The following SCRG1 variants were observed in gnomAD, a reference collection of about 807,000 sequenced individuals.
SCRG1 encodes stimulator of chondrogenesis 1.
A neutral mutation model predicts 7.7 loss-of-function variants in SCRG1; 3 were observed. The ratio of observed to expected loss-of-function variants is 0.39; its 90% CI spans 0.18 to 1.01. The LOEUF (loss-of-function observed/expected upper bound fraction) is 1.01. Ranked by LOEUF, SCRG1 falls within the 50% of genes least tolerant of loss-of-function variation. The pLI, the probability that SCRG1 is intolerant of heterozygous loss-of-function variation, is 0.36. For missense variants in SCRG1, 110 were observed against 117.2 expected (o/e 0.94, Z 0.28); for synonymous variants, 46 against 41.2 (o/e 1.12, Z -0.44).
intron 1 of SCRG1, among the ~76,000 whole-genome samples, chr4:173,405,343 T>C (rs145136424): frequency 6.6e-6 from 1 of 152,340 alleles, no homozygotes; most frequent in Non-Finnish European, 1.5e-5. Context: ...CACATGAACA[T>C]ACAGGTCAGG....
chr4:173,510,858 T>C, the SCRG1 span, among the ~76,000 whole-genome samples: 1 of 152,210 alleles, frequency 6.6e-6, no homozygotes, highest in Non-Finnish European at 1.5e-5. The surrounding 1 kb of genome is among the most constrained non-coding windows in gnomAD (Gnocchi z 5.7). Flanking sequence ...GCTGCTACCC[T>C]TTTGGAAACA....
At chr4:173,430,063 A>G in the SCRG1 span, among the ~76,000 whole-genome samples, 11 of 152,226 alleles carry the variant, frequency 7.2e-5, no homozygotes, top group African/African-American at 2.6e-4. Flanking sequence ...AAAGTACAAG[A>G]GACAAATCTT....
chr4:173,462,174 A>G, the SCRG1 span, among the ~76,000 whole-genome samples: 1 of 152,216 alleles, frequency 6.6e-6, no homozygotes, highest in Non-Finnish European at 1.5e-5. Context: ...CCGAACCTAT[A>G]GAAATATATC....
chr4:173,439,596 T>C, the SCRG1 span, among the ~76,000 whole-genome samples: 1 of 151,164 alleles, frequency 6.6e-6, no homozygotes, highest in African/African-American at 2.4e-5. Flanking sequence ...AAATATACAT[T>C]ATTATATAAT....
chr4:173,428,724 A>G, the SCRG1 span, among the ~76,000 whole-genome samples: 1 of 152,260 alleles, frequency 6.6e-6, no homozygotes, highest in African/African-American at 2.4e-5. Context: ...CCAGTGAAAT[A>G]GGTGCCCACC....
the SCRG1 span, among the ~76,000 whole-genome samples, chr4:173,508,643 G>A: frequency 9.2e-5 from 14 of 152,210 alleles, no homozygotes; most frequent in Admixed American, 2.0e-4. This position sits in a 1 kb window ranked among gnomAD's most constrained non-coding sequence, Gnocchi z 4.4. Flanking sequence ...AAAGGCACTA[G>A]AGAAGGCCTG....
chr4:173,518,101 A>C, the SCRG1 span, among the ~76,000 whole-genome samples: 1 of 152,258 alleles, frequency 6.6e-6, no homozygotes, highest in Non-Finnish European at 1.5e-5. Context: ...GTTTAAAACA[A>C]TATTCGCTCT....
chr4:173,476,354 G>GGA, the SCRG1 span, among the ~76,000 whole-genome samples: 1 of 70,186 alleles, frequency 1.4e-5, no homozygotes, highest in African/African-American at 5.1e-5. Context: ...CTCTGAGGGG[G>GGA]AAAAAAAAAA....
chr4:173,436,135 C>T, the SCRG1 span, among the ~76,000 whole-genome samples: 4 of 152,166 alleles, frequency 2.6e-5, no homozygotes, highest in Non-Finnish European at 5.9e-5. Flanking sequence ...GTCAGCCAAT[C>T]GCCTGGTGGA....
chr4:173,392,650 G>A (rs1487383195), intron 1 of SCRG1, among the ~76,000 whole-genome samples: 1 of 152,174 alleles, frequency 6.6e-6, no homozygotes, highest in Non-Finnish European at 1.5e-5. Context: ...GACTATTGTA[G>A]TAAAGGAAGA....
the SCRG1 span, among the ~76,000 whole-genome samples, chr4:173,460,830 G>A: frequency 7.9e-5 from 12 of 152,280 alleles, no homozygotes; most frequent in East Asian, 9.7e-4. Flanking sequence ...CCAGAGGGGA[G>A]CCTGCTGCCC....
chr4:173,478,502 T>A, the SCRG1 span, among the ~76,000 whole-genome samples: 1 of 152,146 alleles, frequency 6.6e-6, no homozygotes, highest in Non-Finnish European at 1.5e-5. Flanking sequence ...CCTATAAGAC[T>A]TCTGAATATT....
chr4:173,518,840 G>GC, the SCRG1 span, among the ~76,000 whole-genome samples: 14 of 150,568 alleles, frequency 9.3e-5, no homozygotes, highest in East Asian at 2.0e-4. Context: ...CTTTGTGTCC[G>GC]CCCCCCCGCC....
chr4:173,478,847 A>T, the SCRG1 span, among the ~76,000 whole-genome samples: 9 of 152,210 alleles, frequency 5.9e-5, no homozygotes, highest in African/African-American at 1.9e-4. Flanking sequence ...ACGGACACAG[A>T]CTTTAGGAAT....
chr4:173,511,192 G>C, the SCRG1 span, among the ~76,000 whole-genome samples: 1 of 152,078 alleles, frequency 6.6e-6, no homozygotes, highest in African/African-American at 2.4e-5. This position sits in a 1 kb window ranked among gnomAD's most constrained non-coding sequence, Gnocchi z 5.2. Flanking sequence ...TGGCCAGGCT[G>C]GTCACGAACT....
chr4:173,492,611 G>A, the SCRG1 span, among the ~76,000 whole-genome samples: 7 of 152,182 alleles, frequency 4.6e-5, no homozygotes, highest in Non-Finnish European at 7.3e-5. Flanking sequence ...AAAGGCTGGA[G>A]GAGTAGAGTC....
At chr4:173,507,767 G>A in the SCRG1 span, among the ~76,000 whole-genome samples, 2 of 152,216 alleles carry the variant, frequency 1.3e-5, no homozygotes, top group Non-Finnish European at 2.9e-5. This position sits in a 1 kb window ranked among gnomAD's most constrained non-coding sequence, Gnocchi z 4.4. Context: ...ACCCTCCGGA[G>A]CAGTTGCGGG....
chr4:173,468,389 C>T, the SCRG1 span: 1 of 152,170 alleles, frequency 6.6e-6, no homozygotes, highest in Non-Finnish European at 1.5e-5. Context: ...TGTAAGTACA[C>T]TCTGTGATCA....
chr4:173,483,719 T>TCATATATAATATATA, the SCRG1 span, among the ~76,000 whole-genome samples: 2 of 2,990 alleles, frequency 6.7e-4, 1 homozygote, highest in African/African-American at 1.6e-3. Context: ...ATATATTATA[T>TCATATATAATATATA]TGTGATATAT....
Sources: gnomAD v4.1 joint callset for allele counts (sites outside exome capture counted in the v4.1 genomes callset) on GRCh38, gnomAD v4.1.1 for gene constraint, Gnocchi (gnomAD v3.1) non-coding constraint, MANE v1.5 for transcripts, NCBI Gene and HGNC (gene_info 2026-07-23, HGNC 2026-07-21) for gene names.